TRHDE: variants seen among roughly 807,000 people sequenced by gnomAD.
TRHDE encodes thyrotropin releasing hormone degrading enzyme, also known as thyrotropin-releasing hormone-degrading ectoenzyme.
A neutral mutation model predicts 125.7 loss-of-function variants in TRHDE; 72 were observed. That is an observed-to-expected ratio of 0.57 (90% CI 0.47 to 0.70). TRHDE has a LOEUF of 0.70. Among genes scored for constraint, TRHDE ranks in the 30% least tolerant of loss-of-function variants. The pLI is 0.00. For missense variants in TRHDE, 1,110 were observed against 1,327.1 expected (o/e 0.84, Z 2.54); for synonymous variants, 509 against 509.1 (o/e 1.00, Z 0.00).
intron 3 of TRHDE, among the ~76,000 whole-genome samples, chr12:72,419,203 T>A (rs902936715): frequency 2.0e-5 from 3 of 152,120 alleles, no homozygotes; most frequent in Non-Finnish European, 4.4e-5. Context: ...ATTCTGATAG[T>A]ATAATTGGTG....
At chr12:72,406,224 C>T (rs975111951) in intron 3 of TRHDE, among the ~76,000 whole-genome samples, 21 of 152,118 alleles carry the variant, frequency 1.4e-4, no homozygotes, top group African/African-American at 5.1e-4. Flanking sequence ...ATTGCCTTCT[C>T]CAAAATAGAT....
chr12:72,597,713 GTATATATATATATATATATA>G lies in TRHDE; in HGVS notation c.2322-21152_2322-21133del, dbSNP rs762515309. On this transcript the variant is annotated intron_variant, in intron 12 of 18. Coordinates refer to ENST00000261180, the MANE Select transcript of TRHDE (RefSeq NM_013381.3). ...GAGGTATATATATGTGTGTGTGTATGTATATATATATATATATATATATATATATATATATATATATATAT... is the reference window on the plus strand; with the variant it reads ...GAGGTATATATATGTGTGTGTGTATGTATATATATATATATATATATATAT... Among the ~76,000 whole-genome samples the G allele has an allele frequency of 7.0e-3, 130 of 18,484 alleles. 7 individuals carry two copies. Among genetic ancestry groups the G allele is most frequent in the East Asian group, 0.035 (20 of 576 alleles). The allele number at this position is 18,484 out of a possible 152,430, so 12.1% of individuals were successfully genotyped here.
intron 12 of TRHDE, among the ~76,000 whole-genome samples, chr12:72,597,299 TA>T (rs977338512): frequency 5.3e-5 from 8 of 152,260 alleles, no homozygotes; most frequent in Admixed American, 3.9e-4. Context: ...TATTACATGG[TA>T]TGCATTTTTG....
intron 6 of TRHDE, among the ~76,000 whole-genome samples, chr12:72,520,200 C>G (rs1378678404): frequency 6.6e-6 from 1 of 152,246 alleles, no homozygotes; most frequent in African/African-American, 2.4e-5. Flanking sequence ...CTTTGTTTAC[C>G]TAAGCAAGCC....
At chr12:72,591,632 GT>G (rs71071842) in intron 12 of TRHDE, among the ~76,000 whole-genome samples, 1,332 of 125,374 alleles carry the variant, frequency 0.011, 7 homozygotes, top group African/African-American at 0.013. Context: ...AAGGATATGG[GT>G]TTTTTTTTTT....
intron 3 of TRHDE, among the ~76,000 whole-genome samples, chr12:72,395,096 G>A (rs566717227): frequency 6.6e-6 from 1 of 152,192 alleles, no homozygotes; most frequent in Admixed American, 6.5e-5. Context: ...AATACAATAT[G>A]TTGTTCTTAC....
chr12:72,175,334 C>T (rs1876963778), intron 2 of TRHDE, among the ~76,000 whole-genome samples: 1 of 152,202 alleles, frequency 6.6e-6, no homozygotes, highest in Admixed American at 6.5e-5. Flanking sequence ...GATTTCTCTT[C>T]CTTACCAGAA....
chr12:72,425,837 G>A (rs1874160376), intron 3 of TRHDE, among the ~76,000 whole-genome samples: 2 of 152,016 alleles, frequency 1.3e-5, no homozygotes, highest in South Asian at 4.1e-4. Flanking sequence ...ACTCAGTGTT[G>A]TAGTTAACAA....
intron 18 of TRHDE, 122 bp downstream of exon 18, chr12:72,657,130 A>C: frequency 2.6e-6 from 1 of 390,054 alleles, no homozygotes; most frequent in Non-Finnish European, 4.9e-6. Flanking sequence ...CACGCACACC[A>C]CACACACACA....
intron 1 of TRHDE, among the ~76,000 whole-genome samples, chr12:72,089,896 C>A (rs1038108721): frequency 6.6e-6 from 1 of 152,114 alleles, no homozygotes; most frequent in African/African-American, 2.4e-5. Flanking sequence ...GGTGAACACT[C>A]AGTAAATATT....
At chr12:72,156,524 G>T (rs1324440076) in intron 2 of TRHDE, among the ~76,000 whole-genome samples, 1 of 152,102 alleles carries the variant, frequency 6.6e-6, no homozygotes, top group Non-Finnish European at 1.5e-5. Flanking sequence ...TTCCTATGCG[G>T]CCATCTTGGC....
Position 72,621,194 on chromosome 12 carries a change from C to T in TRHDE, c.2556C>T (p.Ser852=), listed in dbSNP as rs1873038687. 6.2e-7 allele frequency: 1 copy of T among 1,607,192 alleles called. No individual in the cohort carries two copies. The highest frequency in any genetic ancestry group is 8.5e-7 in the Non-Finnish European group (1 of 1,174,252). The part of the protein sequence containing the change: ...NNFNGSLVQA[S]YQHEELRREV... ...TTAATGGATCTCTTGTTCAAGCATC[C>T]TACCAACATGAGTACTGTTTTATTT... is the stretch of plus-strand genomic sequence containing the variant. Residue 852 remains serine, a synonymous_variant, in exon 14 of 19, where the codon TCC becomes TCT. Transcript: ENST00000261180.
intron 5 of TRHDE, among the ~76,000 whole-genome samples, chr12:72,488,965 C>T (rs1475672318): frequency 6.6e-6 from 1 of 151,356 alleles, no homozygotes. Context: ...ACAATGAAAA[C>T]AAACATACAA....
chr12:72,147,774 A>G (rs1480014949), intron 2 of TRHDE: 1 of 152,234 alleles, frequency 6.6e-6, no homozygotes, highest in Non-Finnish European at 1.5e-5. Flanking sequence ...ACTTATTGCC[A>G]TGTGTATTTA....
intron 2 of TRHDE, among the ~76,000 whole-genome samples, chr12:72,311,763 G>GA (rs1460218896): frequency 3.9e-5 from 6 of 152,042 alleles, no homozygotes; most frequent in African/African-American, 1.2e-4. Flanking sequence ...AGAAACTGGA[G>GA]AAAAAACAGG....
intron 15 of TRHDE, among the ~76,000 whole-genome samples, chr12:72,626,184 T>C (rs543690049): frequency 7.3e-5 from 11 of 151,326 alleles, no homozygotes; most frequent in African/African-American, 2.2e-4. Flanking sequence ...TTTTCAGAGT[T>C]GAGACACTTG....
chr12:72,485,950 T>C (rs1877387439), intron 5 of TRHDE, among the ~76,000 whole-genome samples: 1 of 152,174 alleles, frequency 6.6e-6, no homozygotes, highest in South Asian at 2.1e-4. Flanking sequence ...CTGCTGCACC[T>C]GGTGTCACAG....
chr12:72,592,068 A>G (rs1871710073), intron 12 of TRHDE, among the ~76,000 whole-genome samples: 1 of 151,580 alleles, frequency 6.6e-6, no homozygotes, highest in African/African-American at 2.4e-5. Flanking sequence ...TTGGTCAAAT[A>G]TTTTTTTCTT....
At chr12:72,575,907 A>G (rs1046790072) in intron 12 of TRHDE, among the ~76,000 whole-genome samples, 2 of 152,104 alleles carry the variant, frequency 1.3e-5, no homozygotes, top group Admixed American at 6.5e-5. Flanking sequence ...GTATACTAGT[A>G]TATCTTTTAA....
Sources: allele counts gnomAD v4.1 joint callset (sites outside exome capture counted in the v4.1 genomes callset), GRCh38; gene constraint gnomAD v4.1.1; transcripts MANE v1.5; gene names NCBI Gene and HGNC (gene_info 2026-07-23, HGNC 2026-07-21).